POPDC2: variants seen among roughly 807,000 people sequenced by gnomAD.
The protein encoded by POPDC2 is popeye domain-containing protein 2.
In POPDC2, 24 loss-of-function variants were observed where a neutral mutation model predicts 30.5. The observed-to-expected ratio is 0.79, with a 90% CI of 0.57 to 1.11. POPDC2 has a LOEUF of 1.11. Ranked by LOEUF, POPDC2 falls within the 50% of genes least tolerant of loss-of-function variation. POPDC2 has a pLI of 0.00. For synonymous variants in POPDC2, 185 were observed against 183.3 expected, an observed-to-expected ratio of 1.01 and a Z score of -0.07; for missense variants, 409 against 447.0, an observed-to-expected ratio of 0.91 and a Z score of 0.77.
chr3:119,650,750 T>G (rs982338192), intron 2 of POPDC2, among the ~76,000 whole-genome samples: 5 of 152,264 alleles, frequency 3.3e-5, no homozygotes, highest in Non-Finnish European at 7.3e-5. Flanking sequence ...AAATATCATC[T>G]GCATACAACC....
chr3:119,649,017 A>G (rs540836218), intron 2 of POPDC2, among the ~76,000 whole-genome samples: 1 of 152,374 alleles, frequency 6.6e-6, no homozygotes, highest in African/African-American at 2.4e-5. Context: ...TGATTTTAAG[A>G]TAGAGAAAGA....
intron 1 of POPDC2, among the ~76,000 whole-genome samples, chr3:119,658,431 C>G (rs1433604062): frequency 6.6e-6 from 1 of 152,228 alleles, no homozygotes; most frequent in South Asian, 2.1e-4. Flanking sequence ...GTAAATCTAT[C>G]CTAACTGAAC....
intron 1 of POPDC2, among the ~76,000 whole-genome samples, chr3:119,657,076 A>T (rs1464460123): frequency 1.3e-5 from 2 of 152,246 alleles, no homozygotes; most frequent in African/African-American, 4.8e-5. Flanking sequence ...GAAGGAGATG[A>T]CATTTGAGCT....
chr3:119,645,566 CAAA>C (rs201320482), intron 3 of POPDC2, among the ~76,000 whole-genome samples: 1 of 115,386 alleles, frequency 8.7e-6, no homozygotes. Context: ...CCGTCTCAAA[CAAA>C]AAAAAAAAAA....
At chr3:119,645,566 C>CAAAA (rs201320482) in intron 3 of POPDC2, among the ~76,000 whole-genome samples, 59 of 115,080 alleles carry the variant, frequency 5.1e-4, no homozygotes, top group Non-Finnish European at 7.0e-4. Context: ...CCGTCTCAAA[C>CAAAA]AAAAAAAAAA....
At chr3:119,650,775 T>C (rs1304293872) in intron 2 of POPDC2, among the ~76,000 whole-genome samples, 1 of 152,234 alleles carries the variant, frequency 6.6e-6, no homozygotes, top group Non-Finnish European at 1.5e-5. Context: ...CCCAAATTTA[T>C]GTCTCAGGCC....
intron 3 of POPDC2, among the ~76,000 whole-genome samples, chr3:119,646,916 C>G (rs12492456): frequency 0.2 from 30,001 of 152,020 alleles, 3,423 homozygotes; most frequent in Admixed American, 0.28. Context: ...AAGGAGTGAT[C>G]AGAGTTGTCA....
intron 2 of POPDC2, among the ~76,000 whole-genome samples, chr3:119,653,485 T>A (rs1242651161): frequency 1.3e-5 from 2 of 151,766 alleles, no homozygotes; most frequent in Non-Finnish European, 2.9e-5. Flanking sequence ...AATTCTTTTT[T>A]TTTTTTTTTT....
chr3:119,648,872 G>A lies in POPDC2; in HGVS notation c.601-204C>T, dbSNP rs77085268. On this transcript the variant is annotated intron_variant, in intron 2 of 3. Coordinates refer to ENST00000493094, the MANE Select transcript of POPDC2 (RefSeq NM_001369919.2). The stretch of plus-strand genomic sequence containing the variant: ...CTGATATGGGGGGGTCCTGTGTCAG[G>A]AGCCCTGGGATCAGCCATTCACTCA... Among the ~76,000 whole-genome samples the A allele has an allele frequency of 4.2e-3, 642 of 152,286 alleles. 3 individuals are homozygous for A. The highest frequency in any genetic ancestry group is 0.014 in the African/African-American group (577 of 41,554).
chr3:119,650,298 A>C (rs2052793522), intron 2 of POPDC2, among the ~76,000 whole-genome samples: 1 of 152,164 alleles, frequency 6.6e-6, no homozygotes, highest in Non-Finnish European at 1.5e-5. Flanking sequence ...TCTCGAATTC[A>C]CTTCCCTGGC....
chr3:119,653,873 C>T (rs189913523), intron 2 of POPDC2, among the ~76,000 whole-genome samples: 13 of 152,288 alleles, frequency 8.5e-5, no homozygotes, highest in Admixed American at 7.2e-4. Context: ...TCAGAGTTCA[C>T]TGTGCAGAAG....
In POPDC2 at chr3:119,660,136, T is replaced by A; in HGVS notation, c.288A>T (p.Val96=). The part of the protein sequence containing the change: ...VVCLLQLAHL[V]YRLREDTLPE... ...GGAGGGTGTCCTCACGCAGGCGGTATACCAGGTGTGCCAGCTGGAGCAGGC... is the reference window on the plus strand; with the variant it reads ...GGAGGGTGTCCTCACGCAGGCGGTAAACCAGGTGTGCCAGCTGGAGCAGGC... Residue 96 remains valine (V), a synonymous_variant, in exon 1 of 4, where the codon GTA becomes GTT. Transcript: ENST00000493094. The A allele has an allele frequency of 6.2e-7, 1 of 1,614,156 alleles. No homozygotes were observed. Among genetic ancestry groups the A allele is most frequent in the Non-Finnish European group, 8.5e-7 (1 of 1,180,012 alleles).
At chr3:119,648,739 T>C in intron 2 of POPDC2, 71 bp from the exon 3 acceptor site, 1 of 1,330,918 alleles carries the variant, frequency 7.5e-7, no homozygotes, top group South Asian at 1.4e-5. Context: ...ACAGAGATCA[T>C]TCAGTCACTT....
intron 3 of POPDC2, among the ~76,000 whole-genome samples, chr3:119,643,640 G>A (rs1352939465): frequency 6.6e-6 from 1 of 152,192 alleles, no homozygotes; most frequent in Non-Finnish European, 1.5e-5. Context: ...TCCTGCAGAT[G>A]AGGAACATGT....
At chr3:119,652,689 G>A (rs2052826452) in intron 2 of POPDC2, among the ~76,000 whole-genome samples, 1 of 152,202 alleles carries the variant, frequency 6.6e-6, no homozygotes, top group Non-Finnish European at 1.5e-5. Flanking sequence ...AGGTTCTCAT[G>A]TGCCTGAGAG....
chr3:119,660,658 C>T (rs896236220), upstream of POPDC2: 3 of 287,200 alleles, frequency 1.0e-5, 1 homozygote, highest in Admixed American at 2.1e-4. Context: ...CCCCCTCTCC[C>T]CCCCTCTCTC....
At chr3:119,658,907 C>CCT (rs761313564) in intron 1 of POPDC2, among the ~76,000 whole-genome samples, 2,998 of 127,802 alleles carry the variant, frequency 0.023, 41 homozygotes, top group Middle Eastern at 0.079. Context: ...GCAGTATTAT[C>CCT]TGGATTTGCT....
At chr3:119,656,145 G>A (rs939645441) in intron 1 of POPDC2, among the ~76,000 whole-genome samples, 4 of 152,178 alleles carry the variant, frequency 2.6e-5, no homozygotes, top group African/African-American at 7.2e-5. Flanking sequence ...ACTTTGAAAA[G>A]CATGGGTCCC....
rs372475108 is a variant in POPDC2, at chr3:119,642,605, G to A, written c.*44-44C>T. The A allele has an allele frequency of 2.3e-4, 312 of 1,341,852 alleles. 3 individuals carry two copies. The highest frequency in any genetic ancestry group is 2.2e-3 in the Middle Eastern group (12 of 5,450). The allele number at this position is 1,341,852 out of a possible 1,614,324, so 83.1% of individuals were successfully genotyped here. A position where few individuals can be genotyped will look rare whatever the true frequency, so the allele number is the denominator to read the frequency against. Reference sequence around the variant, plus strand: ...GGAGGATTTTAGCACTATGTCTCTGGACAGTTTGTCTAACTTCAAAGGGTT... The same window carrying A: ...GGAGGATTTTAGCACTATGTCTCTGAACAGTTTGTCTAACTTCAAAGGGTT... On this transcript the variant is annotated intron_variant, in intron 3 of 3. Coordinates refer to ENST00000493094, the MANE Select transcript of POPDC2 (RefSeq NM_001369919.2).
Sources: gnomAD v4.1 joint callset for allele counts (sites outside exome capture counted in the v4.1 genomes callset) on GRCh38, gnomAD v4.1.1 for gene constraint, MANE v1.5 for transcripts, NCBI Gene and HGNC (gene_info 2026-07-23, HGNC 2026-07-21) for gene names.